Variants in RASSF3 observed in about 807,000 individuals in gnomAD.
RASSF3 encodes ras association domain-containing protein 3.
A neutral mutation model predicts 19.9 loss-of-function variants in RASSF3; 19 were observed. The observed-to-expected ratio is 0.96, with a 90% CI of 0.67 to 1.40. The LOEUF is 1.40. Ranked by LOEUF, RASSF3 falls within the 40% of genes most tolerant of loss-of-function variation. The pLI is 0.00. For synonymous variants in RASSF3, 110 were observed against 104.2 expected, an observed-to-expected ratio of 1.06 and a Z score of -0.34; for missense variants, 306 against 289.8, an observed-to-expected ratio of 1.06 and a Z score of -0.41.
At chr12:64,631,267 G>T (rs1186046933) in intron 1 of RASSF3, among the ~76,000 whole-genome samples, 6 of 152,158 alleles carry the variant, frequency 3.9e-5, no homozygotes, top group African/African-American at 1.4e-4. Flanking sequence ...AAGAACAAGG[G>T]CTTGGCCATG....
At chr12:64,646,549 A>G (rs146044716) in intron 1 of RASSF3, among the ~76,000 whole-genome samples, 5 of 152,362 alleles carry the variant, frequency 3.3e-5, no homozygotes, top group Middle Eastern at 3.4e-3. Context: ...ATTTATTTCA[A>G]TGACAACCAA....
intron 2 of RASSF3, among the ~76,000 whole-genome samples, chr12:64,579,433 C>T (rs1160801640): frequency 2.7e-5 from 4 of 149,340 alleles, no homozygotes; most frequent in Non-Finnish European, 1.5e-5. Flanking sequence ...CTCACTGCCA[C>T]CTCCGCCTCC....
At chr12:64,543,697 G>C (rs1457925748), downstream of RASSF3, among the ~76,000 whole-genome samples, 1 of 151,348 alleles carries the variant, frequency 6.6e-6, no homozygotes, top group Admixed American at 6.6e-5. Flanking sequence ...CGATCCACTG[G>C]GTGAAGCCTG....
At chr12:64,568,414 T>C (rs2136129006) in intron 2 of RASSF3, among the ~76,000 whole-genome samples, 1 of 152,328 alleles carries the variant, frequency 6.6e-6, no homozygotes, top group South Asian at 2.1e-4. Context: ...ACCATTTGTT[T>C]GCCTTTCTTC....
chr12:64,570,162 C>A (rs188700248), intron 2 of RASSF3, among the ~76,000 whole-genome samples: 12 of 152,252 alleles, frequency 7.9e-5, no homozygotes, highest in Non-Finnish European at 1.6e-4. Flanking sequence ...AGTTCACAAG[C>A]TTTAGAGCAT....
rs919409732 is a variant in RASSF3 at position 64,696,594 on chromosome 12, T to A, written c.*1682T>A. The A allele has an allele frequency of 2.6e-5, 4 of 152,228 alleles. No individual in the cohort carries two copies. The highest frequency in any genetic ancestry group is 4.1e-4 in the South Asian group (2 of 4,830). 9.4% of individuals were successfully genotyped at this position (152,228 alleles called of 1,614,324 possible). On this transcript the variant is annotated 3_prime_UTR_variant, in exon 5 of 5. Coordinates refer to ENST00000542104, the MANE Select transcript of RASSF3 (RefSeq NM_178169.4). ...AAGGTGCTTCAGTTCTTTGCCCAAG[T>A]GAACTGTGCCTTTTATTGCATTTCT...
At chr12:64,693,170 A>T (rs1868309553) in intron 4 of RASSF3, among the ~76,000 whole-genome samples, 1 of 144,436 alleles carries the variant, frequency 6.9e-6, no homozygotes. Context: ...TTTTTAAATA[A>T]CCAGCCTAAA....
At chr12:64,681,444 G>T (rs1175806336) in intron 1 of RASSF3, among the ~76,000 whole-genome samples, 1 of 152,190 alleles carries the variant, frequency 6.6e-6, no homozygotes, top group Non-Finnish European at 1.5e-5. Flanking sequence ...AAGGCACAGG[G>T]TTAGTTGGTG....
rs1411098396 is a variant in RASSF3 at position 64,684,855 on chromosome 12, A to G, written c.180A>G (p.Lys60=). ...AGGAGATCAAAGAGAAAGTTCATAA[A>G]TACAACTTAGCAGTCACAGACAAGT... The part of the protein sequence containing the change: ...SKEEIKEKVH[K]YNLAVTDKLK... Residue 60 remains lysine, a synonymous_variant, in exon 2 of 5, where the codon AAA becomes AAG. Coordinates refer to ENST00000542104, the MANE Select transcript of RASSF3 (RefSeq NM_178169.4). 1 of 1,613,526 alleles carries G rather than the reference A, an allele frequency of 6.2e-7. No individual in the cohort carries two copies. Among genetic ancestry groups the G allele is most frequent in the East Asian group, 2.2e-5 (1 of 44,892 alleles).
rs1013641180 is a variant in RASSF3 at position 64,695,891 on chromosome 12, C to T, written c.*979C>T. On this transcript the variant is annotated 3_prime_UTR_variant, in exon 5 of 5. Coordinates refer to ENST00000542104, the MANE Select transcript of RASSF3 (RefSeq NM_178169.4). The stretch of plus-strand genomic sequence containing the variant: ...GTTAAGTTACATAGTGTATAGCTTT[C>T]CCCCCACAGGTGGTTTTCAAAGTTG... 1.3e-5 allele frequency: 2 copies of T among 152,196 alleles called. No individual in the cohort carries two copies. The highest frequency in any genetic ancestry group is 4.8e-5 in the African/African-American group (2 of 41,438). The allele number at this position is 152,196 out of a possible 1,614,324, so 9.4% of individuals were successfully genotyped here.
chr12:64,579,343 G>A (rs962853908), intron 2 of RASSF3, among the ~76,000 whole-genome samples: 5 of 126,396 alleles, frequency 4.0e-5, no homozygotes, highest in Non-Finnish European at 6.6e-5. Context: ...CAATAGCCAA[G>A]TTCTTTTTTT....
At chr12:64,639,260 G>A (rs539714368) in intron 1 of RASSF3, among the ~76,000 whole-genome samples, 1 of 152,182 alleles carries the variant, frequency 6.6e-6, no homozygotes, top group Admixed American at 6.5e-5. Flanking sequence ...TGTGACTTAT[G>A]TAAAGTTCCA....
At chr12:64,685,513 G>A (rs1433397998) in intron 2 of RASSF3, among the ~76,000 whole-genome samples, 1 of 152,100 alleles carries the variant, frequency 6.6e-6, no homozygotes, top group African/African-American at 2.4e-5. Flanking sequence ...CCAAAGTGCT[G>A]GGATTACAGG....
At chr12:64,558,514 T>A (rs1869293057) in intron 2 of RASSF3, among the ~76,000 whole-genome samples, 1 of 152,018 alleles carries the variant, frequency 6.6e-6, no homozygotes, top group Non-Finnish European at 1.5e-5. Context: ...GTTCTGGGGG[T>A]GTGGTTACTT....
Position 64,525,145 on chromosome 12 carries a change from G to A in RASSF3, c.170-16436G>A, listed in dbSNP as rs146768148. On this transcript the variant is annotated intron_variant, in intron 1 of 5. Transcript: ENST00000637125. ...ACAAAAATTAGCCAGGCGTGGTGGC[G>A]TGTGCCTGTCACCCCAGCTACTCGG... 2.0e-3 allele frequency among the ~76,000 whole-genome samples: 297 copies of A among 152,150 alleles called. 2 individuals are homozygous for A. The highest frequency in any genetic ancestry group is 6.6e-3 in the African/African-American group (273 of 41,514).
intron 4 of RASSF3, among the ~76,000 whole-genome samples, chr12:64,694,276 G>C (rs1283575694): frequency 6.6e-6 from 1 of 152,164 alleles, no homozygotes; most frequent in African/African-American, 2.4e-5. Context: ...GTAGGAAGCT[G>C]TTCCAGCGAT....
At chr12:64,655,094 T>C (rs1872108781) in intron 1 of RASSF3, 1 of 152,222 alleles carries the variant, frequency 6.6e-6, no homozygotes, top group South Asian at 2.1e-4. Flanking sequence ...AATTCAAAAC[T>C]GCTTTATGGA....
At chr12:64,580,383 C>CA (rs1353375106) in intron 2 of RASSF3, among the ~76,000 whole-genome samples, 3 of 151,996 alleles carry the variant, frequency 2.0e-5, no homozygotes, top group African/African-American at 7.3e-5. Context: ...ACTGCCATAA[C>CA]AAAGTTCCAC....
chr12:64,549,677 C>T (rs1432199397), intron 2 of RASSF3, among the ~76,000 whole-genome samples: 1 of 152,266 alleles, frequency 6.6e-6, no homozygotes, highest in African/African-American at 2.4e-5. Flanking sequence ...GTTGACATGG[C>T]GGCCAGCAGC....
Sources: gnomAD v4.1 joint callset for allele counts (sites outside exome capture counted in the v4.1 genomes callset) on GRCh38, gnomAD v4.1.1 for gene constraint, MANE v1.5 for transcripts, NCBI Gene and HGNC (gene_info 2026-07-23, HGNC 2026-07-21) for gene names.